XKR6: variants seen among roughly 807,000 people sequenced by gnomAD.
XKR6 encodes XK related 6.
Under a neutral mutation model 56.7 loss-of-function variants are expected in XKR6, and 22 were observed. The observed-to-expected ratio is 0.39, with a 90% CI of 0.28 to 0.55. XKR6 has a LOEUF of 0.55. Among genes scored for constraint, XKR6 ranks in the 20% least tolerant of loss-of-function variants. XKR6 has a pLI of 0.66. For synonymous variants in XKR6, 524 were observed against 387.8 expected, an observed-to-expected ratio of 1.35 and a Z score of -4.13; for missense variants, 852 against 889.0, an observed-to-expected ratio of 0.96 and a Z score of 0.53.
At chr8:10,915,060 C>T (rs1002999467) in intron 2 of XKR6, among the ~76,000 whole-genome samples, 6 of 152,230 alleles carry the variant, frequency 3.9e-5, no homozygotes, top group East Asian at 3.8e-4. Flanking sequence ...AATAGCTATT[C>T]GCTGCACATG....
rs546589936 is a variant in XKR6 at position 11,136,112 on chromosome 8, C to T, written c.764+64464G>A. On this transcript the variant is annotated intron_variant, in intron 1 of 2. Coordinates refer to ENST00000416569, the MANE Select transcript of XKR6 (RefSeq NM_173683.4). The stretch of plus-strand genomic sequence containing the variant: ...CATAAAAACTAGTGCATCCCACCAC[C>T]GGAAGTATCTGCGAGGCAATAAAAA... 9.9e-5 allele frequency among the ~76,000 whole-genome samples: 15 copies of T among 152,208 alleles called. No homozygotes were observed. In the South Asian group the frequency reaches 1.5e-3, roughly 15 times the overall value.
chr8:11,086,947 T>A lies in XKR6; in HGVS notation c.764+113629A>T, dbSNP rs995025470. On this transcript the variant is annotated intron_variant, in intron 1 of 2. Coordinates refer to ENST00000416569, the MANE Select transcript of XKR6 (RefSeq NM_173683.4). ...GATCAGTCCCACCTTCTTAGCGATC[T>A]CCAGGCAGTGGCTCCATGGTCTCTC... 4.6e-5 allele frequency among the ~76,000 whole-genome samples: 7 copies of A among 152,298 alleles called. No homozygotes were observed. The South Asian group carries it at 6.2e-4, about 14-fold the overall frequency.
At chr8:11,081,884 AATGGTCCTT>A (rs1797733844) in intron 1 of XKR6, among the ~76,000 whole-genome samples, 1 of 152,206 alleles carries the variant, frequency 6.6e-6, no homozygotes, top group African/African-American at 2.4e-5. Flanking sequence ...AACAAAGGAA[AATGGTCCTT>A]GCCCCTCGAG....
chr8:11,155,417 G>A (rs958140421), intron 1 of XKR6, among the ~76,000 whole-genome samples: 2 of 152,168 alleles, frequency 1.3e-5, no homozygotes, highest in Non-Finnish European at 2.9e-5. Flanking sequence ...ATTTTATAAA[G>A]TGAACAAGGG....
At chr8:11,173,350 A>ATATAT (rs1554478587) in intron 1 of XKR6, among the ~76,000 whole-genome samples, 56 of 142,866 alleles carry the variant, frequency 3.9e-4, no homozygotes, top group East Asian at 1.2e-3. Flanking sequence ...CCTTAAAAAA[A>ATATAT]ATATATATAT....
At chr8:11,048,923 T>A (rs1799476535) in intron 1 of XKR6, among the ~76,000 whole-genome samples, 1 of 152,216 alleles carries the variant, frequency 6.6e-6, no homozygotes, top group South Asian at 2.1e-4. Flanking sequence ...GTCAATTAAG[T>A]GGGCTTGGCT....
intron 1 of XKR6, among the ~76,000 whole-genome samples, chr8:10,971,231 C>T (rs1408030147): frequency 6.6e-6 from 1 of 151,812 alleles, no homozygotes; most frequent in African/African-American, 2.4e-5. Context: ...ATCATCCTGG[C>T]TAACACGGCG....
chr8:10,981,185 G>A (rs1167738561), intron 1 of XKR6, among the ~76,000 whole-genome samples: 1 of 152,206 alleles, frequency 6.6e-6, no homozygotes, highest in Non-Finnish European at 1.5e-5. Flanking sequence ...AATACTGAGA[G>A]ATGGGCAGCT....
chr8:11,130,475 C>G (rs1367638830), intron 1 of XKR6, among the ~76,000 whole-genome samples: 1 of 152,112 alleles, frequency 6.6e-6, no homozygotes, highest in Non-Finnish European at 1.5e-5. Flanking sequence ...TACACACAGA[C>G]AGTGCAATGG....
Position 10,961,653 on chromosome 8 carries a change from T to C in XKR6, c.765-36823A>G, listed in dbSNP as rs1802064919. ...CAGACCCAGCACACCTCCAGCTTCC[T>C]GGCAACACTGTGCACGGTCTGAGAG... On this transcript the variant is annotated intron_variant, in intron 1 of 2. Coordinates refer to ENST00000416569, the MANE Select transcript of XKR6 (RefSeq NM_173683.4). Among the ~76,000 whole-genome samples the C allele has an allele frequency of 2.0e-5, 3 of 152,364 alleles. No homozygotes were observed. The South Asian group carries it at 6.2e-4, about 32-fold the overall frequency.
At chr8:11,154,658 T>C (rs1224348875) in intron 1 of XKR6, among the ~76,000 whole-genome samples, 2 of 152,224 alleles carry the variant, frequency 1.3e-5, no homozygotes, top group Non-Finnish European at 2.9e-5. Flanking sequence ...GTTTGGCTAA[T>C]GCTGGAAAGG....
chr8:11,004,446 G>C (rs186438570), intron 1 of XKR6, among the ~76,000 whole-genome samples: 287 of 152,100 alleles, frequency 1.9e-3, no homozygotes, highest in African/African-American at 6.8e-3. Context: ...CTGCACTTCA[G>C]CCTAGGCGAC....
intron 1 of XKR6, among the ~76,000 whole-genome samples, chr8:10,975,970 C>G (rs549041778): frequency 2.0e-5 from 3 of 152,070 alleles, no homozygotes; most frequent in Admixed American, 6.5e-5. Context: ...ATCAGGAGAT[C>G]GAGACCATAC....
At chr8:11,035,221 T>C (rs375342119) in intron 1 of XKR6, 30 of 534,648 alleles carry the variant, frequency 5.6e-5, no homozygotes, top group Non-Finnish European at 1.1e-4. Context: ...ATGATGATGA[T>C]GACGATGACA....
rs398067574 is a variant in XKR6 at position 11,138,922 on chromosome 8, TA to T, written c.764+61653del. On this transcript the variant is annotated intron_variant, in intron 1 of 2. Transcript: ENST00000416569. ...TATCTGGGCCATTTCACCGGCAGAA[TA>T]AAAAAAAAAAAAACCTGACCTCAAG... Among the ~76,000 whole-genome samples, 838 of 136,910 alleles carry T rather than the reference TA, an allele frequency of 6.1e-3. 9 individuals are homozygous for T. Among genetic ancestry groups the T allele is most frequent in the African/African-American group, 0.015 (593 of 38,992 alleles). The allele number at this position is 136,910 out of a possible 152,430, so 89.8% of individuals were successfully genotyped here. A position where few individuals can be genotyped will look rare whatever the true frequency, so the allele number is the denominator to read the frequency against.
At chr8:10,981,685 T>C (rs1797738939) in intron 1 of XKR6, among the ~76,000 whole-genome samples, 1 of 152,246 alleles carries the variant, frequency 6.6e-6, no homozygotes, top group African/African-American at 2.4e-5. Flanking sequence ...GCCCAGGTAG[T>C]GTCATTGCCC....
At position 10,909,395 on chromosome 8, in the gene XKR6, A is replaced by G. The variant is rs1482577469; in HGVS notation, c.962-10479T>C. ...CTAAGATACCCCTCAAGACTGCCTC[A>G]TGCCTTCTTGCTTTTTTTCCACCAT... On this transcript the variant is annotated intron_variant, in intron 2 of 2. Coordinates refer to ENST00000416569, the MANE Select transcript of XKR6 (RefSeq NM_173683.4). Among the ~76,000 whole-genome samples the G allele has an allele frequency of 2.0e-5, 3 of 152,268 alleles. No individual in the cohort carries two copies. In the East Asian group the frequency reaches 5.8e-4, roughly 29 times the overall value.
intron 1 of XKR6, among the ~76,000 whole-genome samples, chr8:11,169,426 C>T (rs571149406): frequency 6.6e-6 from 1 of 152,040 alleles, no homozygotes; most frequent in South Asian, 2.1e-4. Context: ...TAGTAAATAT[C>T]TACAGGATGG....
chr8:11,185,860 T>G (rs1444162988), intron 1 of XKR6, among the ~76,000 whole-genome samples: 1 of 152,216 alleles, frequency 6.6e-6, no homozygotes, highest in African/African-American at 2.4e-5. Flanking sequence ...GTTTAGTGTA[T>G]TTAGTATGAC....
Sources: allele counts gnomAD v4.1 joint callset (sites outside exome capture counted in the v4.1 genomes callset), GRCh38; gene constraint gnomAD v4.1.1; transcripts MANE v1.5; gene names NCBI Gene and HGNC (gene_info 2026-07-23, HGNC 2026-07-21).